Variants in PCDHGA1 observed in about 807,000 individuals in gnomAD.
The protein encoded by PCDHGA1 is protocadherin gamma-A1.
PCDHGA1 carries 32 observed loss-of-function variants against 58.0 expected under a neutral mutation model. The observed-to-expected ratio is 0.55, with a 90% CI of 0.42 to 0.74. The LOEUF (loss-of-function observed/expected upper bound fraction) is 0.74, where lower values mean the gene tolerates loss of function less well. Among genes scored for constraint, PCDHGA1 ranks in the 30% least tolerant of loss-of-function variants. PCDHGA1 has a pLI of 0.00. For synonymous variants in PCDHGA1, 498 were observed against 501.1 expected, an observed-to-expected ratio of 0.99 and a Z score of 0.08; for missense variants, 1,205 against 1,182.3, an observed-to-expected ratio of 1.02 and a Z score of -0.28.
intron 1 of PCDHGA1, chr5:141,392,651 C>G (rs1228467133): frequency 1.4e-6 from 1 of 708,830 alleles, no homozygotes; most frequent in Non-Finnish European, 2.2e-6. Flanking sequence ...CGAAGACCCG[C>G]AGATGCCACA....
At chr5:141,373,805 GAT>G in intron 1 of PCDHGA1, 2 of 337,732 alleles carry the variant, frequency 5.9e-6, no homozygotes, top group African/African-American at 2.1e-5. Context: ...TCCTCTGTGT[GAT>G]AGTTTCACAA....
chr5:141,356,431 G>A (rs1760220758), intron 1 of PCDHGA1: 1 of 1,609,622 alleles, frequency 6.2e-7, no homozygotes, highest in Non-Finnish European at 8.5e-7. Context: ...CAGAACACTG[G>A]ACAGGGAAGA....
intron 1 of PCDHGA1, chr5:141,341,159 G>A: frequency 4.3e-6 from 7 of 1,614,244 alleles, no homozygotes; most frequent in Non-Finnish European, 5.9e-6. Flanking sequence ...GGCTTCAGGA[G>A]GCAGCTTGAC....
At position 141,376,322 on chromosome 5, in the gene PCDHGA1, C is replaced by A. The variant is rs750074970; in HGVS notation, c.2421+43217C>A. On this transcript the variant is annotated intron_variant, in intron 1 of 3. Transcript: ENST00000517417. ...GCACTTTGTGGGCGTGGAAGGGGTTCGGGCTTTCCTGCAGACCTATTCCCA... is the reference window on the plus strand; with the variant it reads ...GCACTTTGTGGGCGTGGAAGGGGTTAGGGCTTTCCTGCAGACCTATTCCCA... The A allele has an allele frequency of 9.3e-6, 15 of 1,614,056 alleles. No individual in the cohort carries two copies. The Admixed American group carries it at 1.2e-4, about 13-fold the overall frequency.
intron 1 of PCDHGA1, chr5:141,403,051 C>T (rs1273209859): frequency 3.7e-6 from 6 of 1,614,086 alleles, no homozygotes; most frequent in Admixed American, 1.7e-5. Context: ...AGATTCGCTA[C>T]TCAGTGCCTG....
intron 1 of PCDHGA1, chr5:141,403,857 C>T (rs1431988074): frequency 6.2e-7 from 1 of 1,613,412 alleles, no homozygotes; most frequent in South Asian, 1.1e-5. Flanking sequence ...GGGGAAATAT[C>T]AACAGCAAAA....
intron 1 of PCDHGA1, chr5:141,419,575 C>T (rs2096401495): frequency 6.2e-7 from 1 of 1,611,782 alleles, no homozygotes. Context: ...CCGACGGCTC[C>T]GCGCTCTTCG....
At position 141,476,458 on chromosome 5, in the gene PCDHGA1, C is replaced by A. The variant is rs368153419; in HGVS notation, c.2422-18349C>A. Reference sequence around the variant, plus strand: ...TAACTCTGGAGTTGGTAGTGGAGAACCCGCTGGAGCTGTTCAGCGTGGAAG... The same window carrying A: ...TAACTCTGGAGTTGGTAGTGGAGAAACCGCTGGAGCTGTTCAGCGTGGAAG... On this transcript the variant is annotated intron_variant, in intron 1 of 3. Transcript: ENST00000517417. This position sits in a 1 kb window ranked among gnomAD's most constrained non-coding sequence, Gnocchi z 7.6. 1 of 1,613,928 alleles carries A rather than the reference C, an allele frequency of 6.2e-7. No individual in the cohort carries two copies. Among genetic ancestry groups the A allele is most frequent in the Non-Finnish European group, 8.5e-7 (1 of 1,180,022 alleles).
In PCDHGA1 at chr5:141,345,901, C is replaced by G. The variant is rs753019575; in HGVS notation, c.2421+12796C>G. 3.1e-6 allele frequency: 5 copies of G among 1,613,188 alleles called. No homozygotes were observed. The East Asian group carries it at 1.1e-4, about 36-fold the overall frequency. On this transcript the variant is annotated intron_variant, in intron 1 of 3. Coordinates refer to ENST00000517417, the MANE Select transcript of PCDHGA1 (RefSeq NM_018912.3). ...GGACTCTTCTCGGTGGGTCTGCACA[C>G]GGGCGAGGTGCGCACGGCGCGAGCC...
At chr5:141,360,734 T>C in intron 1 of PCDHGA1, 3 of 1,613,986 alleles carry the variant, frequency 1.9e-6, no homozygotes, top group Non-Finnish European at 2.5e-6. Flanking sequence ...AAACACTCTC[T>C]GGACAGAGAA....
At chr5:141,349,393 A>G (rs1158301459) in intron 1 of PCDHGA1, among the ~76,000 whole-genome samples, 1 of 152,186 alleles carries the variant, frequency 6.6e-6, no homozygotes, top group African/African-American at 2.4e-5. Context: ...TCATATAAAA[A>G]AGAAGCACTG....
At chr5:141,338,254 C>A (rs1450781866) in intron 1 of PCDHGA1, among the ~76,000 whole-genome samples, 1 of 152,202 alleles carries the variant, frequency 6.6e-6, no homozygotes, top group African/African-American at 2.4e-5. Context: ...CCATTTCTAG[C>A]TCCAGCTGCA....
chr5:141,373,547 T>C (rs1363440300), intron 1 of PCDHGA1, among the ~76,000 whole-genome samples: 2 of 152,240 alleles, frequency 1.3e-5, no homozygotes, highest in African/African-American at 4.8e-5. Flanking sequence ...TGGTTGTTGG[T>C]ACCCTTACTG....
chr5:141,433,110 G>C (rs1031253372), intron 1 of PCDHGA1: 1 of 1,614,098 alleles, frequency 6.2e-7, no homozygotes, highest in Middle Eastern at 1.7e-4. Context: ...AGCCAGGAGA[G>C]CTTTGAAAAA....
rs780310968 is a variant in PCDHGA1 at position 141,414,168 on chromosome 5, T to G, written c.2422-80639T>G. The G allele has an allele frequency of 5.6e-6, 9 of 1,605,598 alleles. No individual in the cohort carries two copies. The African/African-American group carries it at 1.2e-4, about 21-fold the overall frequency. ...TACAAGCAGAAGATGGAGGAGCATA[T>G]CTTGCAACTGCAAAAGTGTTGATTA... On this transcript the variant is annotated intron_variant, in intron 1 of 3. Coordinates refer to ENST00000517417, the MANE Select transcript of PCDHGA1 (RefSeq NM_018912.3).
chr5:141,505,072 G>A (rs1374916789), intron 2 of PCDHGA1, among the ~76,000 whole-genome samples: 1 of 152,228 alleles, frequency 6.6e-6, no homozygotes. Context: ...TGAGGCAGGA[G>A]AATCGCTTGA....
chr5:141,494,439 C>T (rs1009257996), intron 1 of PCDHGA1, among the ~76,000 whole-genome samples: 1 of 152,126 alleles, frequency 6.6e-6, no homozygotes, highest in Non-Finnish European at 1.5e-5. Flanking sequence ...CCTCCTTTGC[C>T]ACTTTAGGGG....
At chr5:141,454,931 C>T (rs2154564856) in intron 1 of PCDHGA1, among the ~76,000 whole-genome samples, 2 of 151,066 alleles carry the variant, frequency 1.3e-5, no homozygotes, top group South Asian at 4.2e-4. Context: ...CCTCAGCCTC[C>T]CGAGTAGCTG....
chr5:141,365,052 T>G (rs1179156267), intron 1 of PCDHGA1: 2 of 1,613,872 alleles, frequency 1.2e-6, no homozygotes, highest in Admixed American at 1.7e-5. Flanking sequence ...AATGCGCCCC[T>G]GTTCACCCCA....
Sources: allele counts gnomAD v4.1 joint callset (sites outside exome capture counted in the v4.1 genomes callset), GRCh38; gene constraint gnomAD v4.1.1; non-coding constraint Gnocchi (gnomAD v3.1); transcripts MANE v1.5; gene names NCBI Gene and HGNC (gene_info 2026-07-23, HGNC 2026-07-21).